Variants in SKIC3 observed in about 807,000 individuals in gnomAD.
SKIC3 encodes superkiller complex protein 3.
the SKIC3 span, among the ~76,000 whole-genome samples, chr5:95,468,806 A>G: frequency 1.3e-5 from 2 of 152,278 alleles, no homozygotes; most frequent in East Asian, 3.9e-4. Context: ...GGTGTTAACA[A>G]AGATTATTGG....
At chr5:95,552,978 C>G in the SKIC3 span, among the ~76,000 whole-genome samples, 1 of 151,850 alleles carries the variant, frequency 6.6e-6, no homozygotes, top group African/African-American at 2.4e-5. Flanking sequence ...AGATTAACTT[C>G]AACTTAAAAT....
the SKIC3 span, chr5:95,498,455 G>T: frequency 1.2e-6 from 2 of 1,614,140 alleles, no homozygotes; most frequent in Non-Finnish European, 1.7e-6. Context: ...AGGCACCTCT[G>T]ATAATTACTG....
At chr5:95,490,762 T>G in the SKIC3 span, 4 of 994,920 alleles carry the variant, frequency 4.0e-6, no homozygotes, top group Non-Finnish European at 4.4e-6. Flanking sequence ...CCTCCCAAAG[T>G]GCTGGGATTA....
chr5:95,471,599 G>C, the SKIC3 span, among the ~76,000 whole-genome samples: 2 of 151,154 alleles, frequency 1.3e-5, no homozygotes, highest in South Asian at 4.2e-4. Context: ...ATACTTCCCT[G>C]CCCCGCCCCA....
chr5:95,490,858 T>C, the SKIC3 span: 10 of 1,608,118 alleles, frequency 6.2e-6, no homozygotes, highest in Admixed American at 1.5e-4. Flanking sequence ...GATTTAACCA[T>C]TCAAGAAATC....
chr5:95,485,040 T>G, the SKIC3 span, among the ~76,000 whole-genome samples: 1 of 152,172 alleles, frequency 6.6e-6, no homozygotes. Flanking sequence ...GGAGTATTTG[T>G]GGCTAAATAA....
the SKIC3 span, chr5:95,523,478 G>T: frequency 1.7e-6 from 2 of 1,166,322 alleles, no homozygotes; most frequent in Non-Finnish European, 2.4e-6. Context: ...ACAATAAGTG[G>T]TTAGTAATTT....
chr5:95,498,266 A>T, the SKIC3 span: 2 of 1,242,080 alleles, frequency 1.6e-6, no homozygotes, highest in Non-Finnish European at 2.3e-6. Flanking sequence ...TTTGGTTTTC[A>T]AATGTATATT....
the SKIC3 span, among the ~76,000 whole-genome samples, chr5:95,511,902 A>C: frequency 3.3e-5 from 5 of 152,246 alleles, no homozygotes; most frequent in Admixed American, 3.3e-4. Flanking sequence ...TTTATTAAAA[A>C]AGACGGAATT....
At chr5:95,524,642 A>G in the SKIC3 span, 1 of 1,607,606 alleles carries the variant, frequency 6.2e-7, no homozygotes, top group Non-Finnish European at 8.5e-7. Flanking sequence ...ATACACACAC[A>G]CCCACACGCA....
the SKIC3 span, among the ~76,000 whole-genome samples, chr5:95,509,224 A>G: frequency 4.6e-5 from 7 of 152,224 alleles, no homozygotes; most frequent in African/African-American, 1.7e-4. Context: ...AACAATGATA[A>G]CATTGCAATT....
chr5:95,505,572 G>C, the SKIC3 span, among the ~76,000 whole-genome samples: 4 of 152,122 alleles, frequency 2.6e-5, no homozygotes, highest in African/African-American at 9.7e-5. Context: ...CCAGCACCTT[G>C]GGAGGCCAAG....
At chr5:95,490,993 A>G in the SKIC3 span, 1 of 1,614,120 alleles carries the variant, frequency 6.2e-7, no homozygotes, top group Non-Finnish European at 8.5e-7. Context: ...GTTTATCATC[A>G]GCGTGACAGG....
At chr5:95,478,326 C>T in the SKIC3 span, 493 of 1,613,830 alleles carry the variant, frequency 3.1e-4, no homozygotes, top group Non-Finnish European at 3.9e-4. Context: ...CTAGTCTCAA[C>T]AGACTTGAGA....
chr5:95,525,626 C>T, the SKIC3 span: 1 of 1,613,976 alleles, frequency 6.2e-7, no homozygotes. Context: ...TCCGATAGGC[C>T]AAGCTTTTGA....
the SKIC3 span, chr5:95,464,205 T>G: frequency 6.4e-6 from 1 of 155,952 alleles, no homozygotes; most frequent in African/African-American, 2.4e-5. Flanking sequence ...AATTTGATTT[T>G]TAACAAAAGA....
At chr5:95,484,595 T>C in the SKIC3 span, 1 of 1,302,752 alleles carries the variant, frequency 7.7e-7, no homozygotes, top group Non-Finnish European at 1.1e-6. Flanking sequence ...GATCCTCCCA[T>C]CTCAGTCTCC....
At chr5:95,464,706 G>A in the SKIC3 span, 19 of 1,584,978 alleles carry the variant, frequency 1.2e-5, no homozygotes, top group Middle Eastern at 1.7e-4. Flanking sequence ...ATACAGGAAC[G>A]TCAGTATTTT....
At chr5:95,515,105 C>A in the SKIC3 span, 1 of 577,686 alleles carries the variant, frequency 1.7e-6, no homozygotes, top group Non-Finnish European at 3.1e-6. Context: ...AGTTCTGGAA[C>A]ACTCCTGGGT....
Sources: allele counts gnomAD v4.1 joint callset (sites outside exome capture counted in the v4.1 genomes callset), GRCh38; gene constraint gnomAD v4.1.1; transcripts MANE v1.5; gene names NCBI Gene and HGNC (gene_info 2026-07-23, HGNC 2026-07-21).